Variants in XKR9 observed in about 807,000 individuals in gnomAD.
XKR9 encodes XK-related protein 9.
Under a neutral mutation model 32.0 loss-of-function variants are expected in XKR9, and 32 were observed. That is an observed-to-expected ratio of 1.00 (90% confidence interval 0.76 to 1.34). The LOEUF (loss-of-function observed/expected upper bound fraction) is 1.34, where lower values mean the gene tolerates loss of function less well. Ranked by LOEUF, XKR9 falls within the 40% of genes most tolerant of loss-of-function variation. The probability of loss-of-function intolerance (pLI) is 0.00; values close to 1 mark genes in which losing one functional copy is unlikely to be tolerated. For missense variants in XKR9, 546 were observed against 429.7 expected (o/e 1.27, Z -2.39); for synonymous variants, 168 against 143.4 (o/e 1.17, Z -1.22).
At chr8:70,698,568 G>A (rs1052508789) in intron 3 of XKR9, among the ~76,000 whole-genome samples, 7 of 152,132 alleles carry the variant, frequency 4.6e-5, no homozygotes, top group African/African-American at 1.7e-4. Flanking sequence ...TGTAATTTCT[G>A]TTCTTTTACA....
the XKR9 span, among the ~76,000 whole-genome samples, chr8:71,027,809 G>C: frequency 2.0e-5 from 3 of 149,972 alleles, no homozygotes; most frequent in Non-Finnish European, 4.4e-5. Context: ...CCGTCATCCA[G>C]GCTGGAGGGC....
At chr8:71,012,860 A>G in the XKR9 span, among the ~76,000 whole-genome samples, 5 of 152,212 alleles carry the variant, frequency 3.3e-5, no homozygotes, top group African/African-American at 1.2e-4. Flanking sequence ...ACTAACAGTA[A>G]GAAAATAAAC....
chr8:70,728,576 TG>T (rs1806555065), intron 4 of XKR9, among the ~76,000 whole-genome samples: 1 of 152,196 alleles, frequency 6.6e-6, no homozygotes. Flanking sequence ...AGCATTAGTT[TG>T]GGAACTTGTA....
the XKR9 span, among the ~76,000 whole-genome samples, chr8:70,990,814 C>G: frequency 6.6e-6 from 1 of 151,754 alleles, no homozygotes; most frequent in Non-Finnish European, 1.5e-5. Flanking sequence ...ATGCATCCAT[C>G]TGGGAACTTT....
At chr8:70,761,683 A>G (rs1360294195) in intron 2 of XKR9, among the ~76,000 whole-genome samples, 2 of 151,770 alleles carry the variant, frequency 1.3e-5, no homozygotes, top group African/African-American at 2.4e-5. Flanking sequence ...TTCTGTGCAG[A>G]AGCTCTTTAG....
chr8:70,753,804 A>G (rs1397776919), intron 2 of XKR9, among the ~76,000 whole-genome samples: 1 of 149,816 alleles, frequency 6.7e-6, no homozygotes, highest in Non-Finnish European at 1.5e-5. Context: ...CCCACAGCCA[A>G]TATCATGCTG....
chr8:70,983,800 A>C, the XKR9 span, among the ~76,000 whole-genome samples: 1 of 151,434 alleles, frequency 6.6e-6, no homozygotes, highest in Non-Finnish European at 1.5e-5. Flanking sequence ...TAAATAAATA[A>C]ATAAATAAAT....
chr8:70,682,489 T>C (rs1304761941), intron 3 of XKR9, among the ~76,000 whole-genome samples: 2 of 152,202 alleles, frequency 1.3e-5, no homozygotes, highest in African/African-American at 2.4e-5. Flanking sequence ...AATTGTATTA[T>C]AAAAGAAAGG....
At chr8:71,014,594 T>A in the XKR9 span, among the ~76,000 whole-genome samples, 1 of 152,204 alleles carries the variant, frequency 6.6e-6, no homozygotes. Context: ...TCCAGGATGA[T>A]CTCATCTCAA....
At chr8:70,728,298 A>G (rs1806543879) in intron 4 of XKR9, among the ~76,000 whole-genome samples, 1 of 152,128 alleles carries the variant, frequency 6.6e-6, no homozygotes, top group Non-Finnish European at 1.5e-5. Context: ...AGATGGAAAA[A>G]GGGCGAAGAC....
chr8:70,921,889 G>A, the XKR9 span, among the ~76,000 whole-genome samples: 1 of 152,116 alleles, frequency 6.6e-6, no homozygotes, highest in Admixed American at 6.6e-5. Flanking sequence ...GCACTTTCAT[G>A]TCAGCTTAGG....
chr8:71,045,978 A>C, the XKR9 span, among the ~76,000 whole-genome samples: 2 of 152,134 alleles, frequency 1.3e-5, no homozygotes, highest in Non-Finnish European at 2.9e-5. Context: ...TGTATCCTCC[A>C]ATAGATGAGA....
At chr8:70,879,679 C>CA in the XKR9 span, among the ~76,000 whole-genome samples, 56 of 150,564 alleles carry the variant, frequency 3.7e-4, no homozygotes, top group African/African-American at 5.9e-4. Context: ...GCCTACCAAC[C>CA]AAAAAAAAAG....
the XKR9 span, among the ~76,000 whole-genome samples, chr8:71,025,894 G>T: frequency 1.3e-5 from 2 of 152,056 alleles, no homozygotes; most frequent in Non-Finnish European, 2.9e-5. Flanking sequence ...CGGCCCTCAT[G>T]TTCATTAGGC....
chr8:70,864,020 A>C, the XKR9 span, among the ~76,000 whole-genome samples: 2 of 152,166 alleles, frequency 1.3e-5, no homozygotes, highest in Non-Finnish European at 2.9e-5. Context: ...CATGCAAATC[A>C]CATAATTTGC....
At chr8:70,741,830 A>C (rs1291437533) in intron 2 of XKR9, among the ~76,000 whole-genome samples, 1 of 152,126 alleles carries the variant, frequency 6.6e-6, no homozygotes, top group Non-Finnish European at 1.5e-5. Context: ...CAGAAGTAGG[A>C]TTTCTTGATC....
At chr8:70,911,802 C>T in the XKR9 span, among the ~76,000 whole-genome samples, 10 of 152,144 alleles carry the variant, frequency 6.6e-5, no homozygotes, top group African/African-American at 2.4e-4. Context: ...TCAGAGAAGG[C>T]TCCTTTTAGG....
At chr8:70,730,188 C>T (rs1199049321) in intron 4 of XKR9, among the ~76,000 whole-genome samples, 3 of 151,726 alleles carry the variant, frequency 2.0e-5, no homozygotes, top group African/African-American at 7.3e-5. Flanking sequence ...CCCAAAGGGG[C>T]AAAAAAACCC....
chr8:70,740,483 C>G (rs1379710000), downstream of XKR9, among the ~76,000 whole-genome samples: 1 of 152,220 alleles, frequency 6.6e-6, no homozygotes, highest in Non-Finnish European at 1.5e-5. Flanking sequence ...AAGTCATTCT[C>G]TGTCCAGCTT....
Sources: allele counts gnomAD v4.1 joint callset (sites outside exome capture counted in the v4.1 genomes callset), GRCh38; gene constraint gnomAD v4.1.1; transcripts MANE v1.5; gene names NCBI Gene and HGNC (gene_info 2026-07-23, HGNC 2026-07-21).